DISC1: variants seen among roughly 807,000 people sequenced by gnomAD.
The protein encoded by DISC1 is disrupted in schizophrenia 1 protein.
In DISC1, 57 loss-of-function variants were observed where a neutral mutation model predicts 84.5. That is an observed-to-expected ratio of 0.67 (90% CI 0.55 to 0.84). The LOEUF is 0.84. Among genes scored for constraint, DISC1 ranks in the 40% least tolerant of loss-of-function variants. The pLI, the probability that DISC1 is intolerant of heterozygous loss-of-function variation, is 0.00. For synonymous variants in DISC1, 411 were observed against 415.2 expected (o/e 0.99, Z 0.12); for missense variants, 1,000 against 1,057.8 (o/e 0.95, Z 0.76).
intron 4 of DISC1, among the ~76,000 whole-genome samples, chr1:231,764,142 C>G (rs753386382): frequency 1.3e-5 from 2 of 152,120 alleles, no homozygotes; most frequent in Non-Finnish European, 2.9e-5. Context: ...TTTAATTTGG[C>G]CTTTTTAGGA....
chr1:232,033,173 A>T (rs980839792), intron 12 of DISC1, among the ~76,000 whole-genome samples: 1 of 152,196 alleles, frequency 6.6e-6, no homozygotes, highest in African/African-American at 2.4e-5. Flanking sequence ...TCTTCTTCTC[A>T]ATAAAATACA....
At chr1:231,944,893 C>G (rs578260260) in intron 9 of DISC1, 1 of 152,322 alleles carries the variant, frequency 6.6e-6, no homozygotes, top group African/African-American at 2.4e-5. Context: ...GAAGAGCTAA[C>G]TCTCCTAAAT....
At position 231,853,445 on chromosome 1, in the gene DISC1, A is replaced by G. The variant is rs199682238; in HGVS notation, c.1981+34928A>G. Among the ~76,000 whole-genome samples the G allele has an allele frequency of 2.6e-5, 4 of 152,324 alleles. No homozygotes were observed. In the East Asian group the frequency reaches 7.7e-4, roughly 29 times the overall value. On this transcript the variant is annotated intron_variant, in intron 9 of 12. Coordinates refer to ENST00000439617, the MANE Select transcript of DISC1 (RefSeq NM_018662.3). ...CAGATGTGACTGTCCTGAATACTGT[A>G]GGCAATTGTCACACTGTAAGTATTT...
intron 1 of DISC1, among the ~76,000 whole-genome samples, chr1:231,681,771 C>G (rs2063721486): frequency 6.6e-6 from 1 of 152,062 alleles, no homozygotes; most frequent in Non-Finnish European, 1.5e-5. Flanking sequence ...TCTTGGCTCA[C>G]TGCAACCTCC....
At chr1:231,653,905 A>G (rs925823588) in intron 1 of DISC1, among the ~76,000 whole-genome samples, 3 of 152,228 alleles carry the variant, frequency 2.0e-5, no homozygotes, top group Non-Finnish European at 2.9e-5. Flanking sequence ...TAACATTAGA[A>G]GCTCCCATTT....
At chr1:232,023,318 T>C (rs528672735) in intron 11 of DISC1, among the ~76,000 whole-genome samples, 1 of 152,340 alleles carries the variant, frequency 6.6e-6, no homozygotes, top group East Asian at 1.9e-4. Context: ...ATTCCCTTTA[T>C]TGTTTGACAA....
intron 10 of DISC1, among the ~76,000 whole-genome samples, chr1:231,967,432 ATGT>A (rs1401985231): frequency 1.3e-5 from 2 of 152,234 alleles, no homozygotes; most frequent in Admixed American, 6.5e-5. Context: ...ATCTTCAAAA[ATGT>A]TTTATATGTA....
chr1:231,813,742 C>T (rs556747523), intron 8 of DISC1, among the ~76,000 whole-genome samples: 2 of 152,268 alleles, frequency 1.3e-5, no homozygotes, highest in African/African-American at 4.8e-5. Flanking sequence ...GCCCATTGCT[C>T]TCTAACCTGG....
intron 9 of DISC1, among the ~76,000 whole-genome samples, chr1:231,847,326 T>G (rs992494527): frequency 6.6e-6 from 1 of 152,104 alleles, no homozygotes; most frequent in African/African-American, 2.4e-5. Context: ...ATCACCTCTC[T>G]AAAGACCGTG....
Position 232,036,788 on chromosome 1 carries a change from C to T in DISC1, c.2522C>T (p.Ala841Val). 6.2e-7 allele frequency: 1 copy of T among 1,602,334 alleles called. No individual in the cohort carries two copies. The highest frequency in any genetic ancestry group is 8.5e-7 in the Non-Finnish European group (1 of 1,172,448). The change falls in exon 13 of 13, where the codon GCA becomes GTA. Residue 841 changes from alanine (A) to valine (V), a missense_variant. By Grantham distance (64) the Ala-to-Val change is moderately conservative. Around this residue, in one of 3 missense-constraint regions of DISC1, gnomAD observed 397 missense variants for 377.5 expected, o/e 1.05. Coordinates refer to ENST00000439617, the MANE Select transcript of DISC1 (RefSeq NM_018662.3). The stretch of plus-strand genomic sequence containing the variant: ...AAGGAGGCGGGAGAAAGAGAAGCTG[C>T]AGCTTCCTGCATGACAGCTGGTGTC... ...PAKEAGEREA[A>V]ASCMTAGVHE...
At chr1:231,870,614 A>G (rs967454989) in intron 9 of DISC1, among the ~76,000 whole-genome samples, 10 of 152,184 alleles carry the variant, frequency 6.6e-5, no homozygotes, top group Non-Finnish European at 1.0e-4. Context: ...TGATCAGTGC[A>G]GCACGAACTG....
intron 9 of DISC1, among the ~76,000 whole-genome samples, chr1:231,888,595 C>T (rs533060173): frequency 2.0e-5 from 3 of 151,670 alleles, no homozygotes; most frequent in Admixed American, 6.6e-5. Context: ...CAAAATTAGC[C>T]GGGCATGGTG....
chr1:231,990,539 C>T (rs1372320667), intron 10 of DISC1, among the ~76,000 whole-genome samples: 1 of 152,178 alleles, frequency 6.6e-6, no homozygotes, highest in Non-Finnish European at 1.5e-5. Flanking sequence ...TTCCTCACTG[C>T]TTCTGTGTAC....
chr1:231,748,486 A>G (rs760429946), intron 3 of DISC1, among the ~76,000 whole-genome samples: 1 of 152,200 alleles, frequency 6.6e-6, no homozygotes, highest in Non-Finnish European at 1.5e-5. Context: ...TTCTGCATCT[A>G]TTGAGATGAT....
At chr1:231,790,438 C>A (rs1332930171) in intron 6 of DISC1, among the ~76,000 whole-genome samples, 1 of 152,054 alleles carries the variant, frequency 6.6e-6, no homozygotes, top group African/African-American at 2.4e-5. Context: ...CTCTCCTTGG[C>A]TTGCAGACAG....
chr1:231,900,539 A>G (rs1165706441), intron 9 of DISC1, among the ~76,000 whole-genome samples: 1 of 152,238 alleles, frequency 6.6e-6, no homozygotes, highest in Non-Finnish European at 1.5e-5. Context: ...TCACCTGGTA[A>G]TATGACCAAG....
At chr1:231,854,283 G>C (rs1045713276) in intron 9 of DISC1, among the ~76,000 whole-genome samples, 2 of 152,088 alleles carry the variant, frequency 1.3e-5, no homozygotes, top group Admixed American at 1.3e-4. Context: ...TCCTATTCTA[G>C]TCATTCTGAG....
chr1:231,771,706 A>G (rs1410073061), intron 6 of DISC1: 1 of 480,842 alleles, frequency 2.1e-6, no homozygotes, highest in Non-Finnish European at 2.7e-6. Flanking sequence ...ATTAATTCTG[A>G]AGCCCGGTCT....
intron 1 of DISC1, among the ~76,000 whole-genome samples, chr1:231,693,359 C>T (rs984337763): frequency 6.6e-6 from 1 of 152,204 alleles, no homozygotes; most frequent in African/African-American, 2.4e-5. Context: ...TGGATAGCTC[C>T]GCTAGTGAAC....
Sources: gnomAD v4.1 joint callset for allele counts (sites outside exome capture counted in the v4.1 genomes callset) on GRCh38, gnomAD v4.1.1 for gene constraint, gnomAD v4.1.1 regional missense constraint, MANE v1.5 for transcripts, NCBI Gene and HGNC (gene_info 2026-07-23, HGNC 2026-07-21) for gene names.